The following DHRS4L2 variants were observed in gnomAD, a reference collection of about 807,000 sequenced individuals.
DHRS4L2 encodes the protein dehydrogenase/reductase 4 like 2.
A neutral mutation model predicts 23.9 loss-of-function variants in DHRS4L2; 22 were observed. The observed-to-expected ratio is 0.92, with a 90% CI of 0.66 to 1.31. The LOEUF is 1.31. DHRS4L2 is among the 40% of genes most tolerant of loss of function. The probability of loss-of-function intolerance (pLI) is 0.00; values close to 1 mark genes in which losing one functional copy is unlikely to be tolerated. For missense variants in DHRS4L2, 385 were observed against 303.3 expected, an observed-to-expected ratio of 1.27 and a Z score of -2.00; for synonymous variants, 141 against 123.7, an observed-to-expected ratio of 1.14 and a Z score of -0.93.
intron 1 of DHRS4L2, among the ~76,000 whole-genome samples, chr14:23,973,566 C>A (rs2033908124): frequency 6.6e-6 from 1 of 151,768 alleles, no homozygotes; most frequent in African/African-American, 2.4e-5. Flanking sequence ...ATCTACAAAA[C>A]AAATGGAAAG....
chr14:23,995,232 G>C, intron 3 of DHRS4L2, 99 bp downstream of exon 3: 1 of 1,411,114 alleles, frequency 7.1e-7, no homozygotes, highest in Non-Finnish European at 1.0e-6. Context: ...CAGTGTAAAT[G>C]TGAGGACTCT....
chr14:23,991,398 G>A (rs1450439885), intron 2 of DHRS4L2, among the ~76,000 whole-genome samples: 3 of 151,686 alleles, frequency 2.0e-5, no homozygotes, highest in Non-Finnish European at 4.4e-5. Context: ...GAGCCGTTTG[G>A]GAGTCTGGAT....
chr14:23,992,263 C>T lies in DHRS4L2; in HGVS notation c.306+1904C>T, dbSNP rs922141335. On this transcript the variant is annotated intron_variant, in intron 2 of 7. Coordinates refer to ENST00000335125, the MANE Select transcript of DHRS4L2 (RefSeq NM_198083.4). ...CTGTCGTCCAGGTTTAGAGCAGTGG[C>T]GGCGGGACTGGAATAGATGTGCCCA... 4.6e-5 allele frequency among the ~76,000 whole-genome samples: 7 copies of T among 151,300 alleles called. 1 individual carries two copies. Among genetic ancestry groups the T allele is most frequent in the Non-Finnish European group, 1.0e-4 (7 of 67,840 alleles).
intron 1 of DHRS4L2, among the ~76,000 whole-genome samples, chr14:23,971,738 T>A (rs1051024399): frequency 1.6e-4 from 25 of 152,082 alleles, no homozygotes; most frequent in Non-Finnish European, 3.2e-4. Flanking sequence ...AAGCTTCGTA[T>A]GTGAATGAGA....
Position 23,992,519 on chromosome 14 carries a change from C to G in DHRS4L2, c.306+2160C>G, listed in dbSNP as rs867880658. ...TACTACCCAGTGGCCTCCTCATCTGCACACCACGAAGCTTCTCACTGGTGT... is the reference window on the plus strand; with the variant it reads ...TACTACCCAGTGGCCTCCTCATCTGGACACCACGAAGCTTCTCACTGGTGT... On this transcript the variant is annotated intron_variant, in intron 2 of 7. Transcript: ENST00000335125. Among the ~76,000 whole-genome samples the G allele has an allele frequency of 3.6e-4, 54 of 151,160 alleles. 2 individuals are homozygous for G. In the Middle Eastern group the frequency reaches 0.01, roughly 29 times the overall value.
At position 24,000,944 on chromosome 14, in the gene DHRS4L2, T is replaced by G; in HGVS notation, c.479+11T>G. 6.2e-7 allele frequency: 1 copy of G among 1,610,524 alleles called. No homozygotes were observed. The highest frequency in any genetic ancestry group is 1.7e-5 in the Admixed American group (1 of 59,896). ...AATGGAGAAACGAGGGTACAGAGAGTGAGAGAGAGCCTGGGTGAGAGGGGA... is the reference window on the plus strand; with the variant it reads ...AATGGAGAAACGAGGGTACAGAGAGGGAGAGAGAGCCTGGGTGAGAGGGGA... On this transcript the variant is annotated intron_variant, in intron 4 of 7. Coordinates refer to ENST00000335125, the MANE Select transcript of DHRS4L2 (RefSeq NM_198083.4).
Position 23,990,298 on chromosome 14 carries a change from G to C in DHRS4L2, c.245G>C (p.Ser82Thr). ...AVATLQGEGL[S>T]VTGTVCHVGK... Reference sequence around the variant, plus strand: ...GCCACGCTGCAGGGGGAGGGGCTGAGCGTGACGGGCACTGTGTGCCATGTG... The same window carrying C: ...GCCACGCTGCAGGGGGAGGGGCTGACCGTGACGGGCACTGTGTGCCATGTG... The change falls in exon 2 of 8, where the codon AGC becomes ACC. Residue 82 changes from serine to threonine, a missense_variant. By Grantham distance (58) the Ser-to-Thr change is moderately conservative (BLOSUM62 1). Coordinates refer to ENST00000335125, the MANE Select transcript of DHRS4L2 (RefSeq NM_198083.4). 1 of 1,612,324 alleles carries C rather than the reference G, an allele frequency of 6.2e-7. No individual in the cohort carries two copies. The highest frequency in any genetic ancestry group is 8.5e-7 in the Non-Finnish European group (1 of 1,179,118).
chr14:23,997,003 T>C (rs1287064565), intron 3 of DHRS4L2, among the ~76,000 whole-genome samples: 1 of 150,790 alleles, frequency 6.6e-6, no homozygotes, highest in Non-Finnish European at 1.5e-5. Flanking sequence ...CATATGAAAG[T>C]CAGTTTTAAA....
At chr14:23,969,949 G>A (rs560012793) in exon 1 of DHRS4L2, 3 of 452,910 alleles carry the variant, frequency 6.6e-6, no homozygotes, top group South Asian at 4.7e-5. Context: ...GGGCGCTCAC[G>A]CAACCGCCAC....
In DHRS4L2 at chr14:23,995,050, G is replaced by A; in HGVS notation, c.325G>A (p.Gly109Ser). Reference sequence around the variant, plus strand: ...TCTCTAGGCTGTGAAGCTTCATGGAGGTATCGATATCCTAGTCTCCAATGC... The same window carrying A: ...TCTCTAGGCTGTGAAGCTTCATGGAAGTATCGATATCCTAGTCTCCAATGC... ...LVAMAVKLHG[G>S]IDILVSNAAV... Residue 109 changes from glycine to serine, a missense_variant, in exon 3 of 8, where the codon GGT (glycine) becomes AGT (serine). Physicochemically the swap from Gly to Ser is moderately conservative, Grantham distance 56. Coordinates refer to ENST00000335125, the MANE Select transcript of DHRS4L2 (RefSeq NM_198083.4). The A allele has an allele frequency of 6.2e-7, 1 of 1,612,948 alleles. No homozygotes were observed. The highest frequency in any genetic ancestry group is 1.3e-5 in the African/African-American group (1 of 74,982).
In DHRS4L2 at chr14:23,990,197, C is replaced by A. The variant is rs769548882; in HGVS notation, c.144C>A (p.Ile48=). The part of the protein sequence containing the change: ...TASTDGIGFA[I]ARRLAQDRAH... ...CTGCTCACAGGATCGGCTTCGCCAT[C>A]GCCCGGCGTTTGGCCCAGGACAGGG... The change falls in exon 2 of 8, where the codon ATC becomes ATA. Residue 48 remains isoleucine, a synonymous_variant. Coordinates refer to ENST00000335125, the MANE Select transcript of DHRS4L2 (RefSeq NM_198083.4). 6.2e-7 allele frequency: 1 copy of A among 1,612,802 alleles called. No homozygotes were observed. The highest frequency in any genetic ancestry group is 8.5e-7 in the Non-Finnish European group (1 of 1,179,348).
At chr14:23,981,127 A>G (rs1396326751) in intron 1 of DHRS4L2, among the ~76,000 whole-genome samples, 1 of 151,870 alleles carries the variant, frequency 6.6e-6, no homozygotes, top group Non-Finnish European at 1.5e-5. Flanking sequence ...TACAAAATCA[A>G]TGTGCAAAAA....
upstream of DHRS4L2, among the ~76,000 whole-genome samples, chr14:23,986,517 AAAAG>A (rs902984553): frequency 1.3e-3 from 192 of 150,286 alleles, 2 homozygotes; most frequent in South Asian, 3.6e-3. Context: ...TAAAAAAAAA[AAAAG>A]AAAGAAAGAA....
At chr14:23,970,300 G>T in exon 1 of DHRS4L2, 1 of 445,944 alleles carries the variant, frequency 2.2e-6, no homozygotes, top group South Asian at 1.6e-5. Flanking sequence ...CGCTGTCCCT[G>T]GAGCATCCTC....
chr14:23,979,243 C>A (rs928293568), intron 1 of DHRS4L2, among the ~76,000 whole-genome samples: 1 of 147,820 alleles, frequency 6.8e-6, no homozygotes, highest in Non-Finnish European at 1.5e-5. Context: ...GAAGAGCTAA[C>A]TATCCTAAAT....
rs2034205711 is a variant in DHRS4L2, at chr14:23,988,945, T to C, written c.-3T>C. On this transcript the variant is annotated 5_prime_UTR_variant, in exon 1 of 8. Coordinates refer to ENST00000335125, the MANE Select transcript of DHRS4L2 (RefSeq NM_198083.4). Reference sequence around the variant, plus strand: ...GTGGAACCCAGACTTGCTGGTCTGATCCATGCAGATGGCCAGGCTGCTAGG... The same window carrying C: ...GTGGAACCCAGACTTGCTGGTCTGACCCATGCAGATGGCCAGGCTGCTAGG... The C allele has an allele frequency of 6.2e-7, 1 of 1,611,812 alleles. No homozygotes were observed. The highest frequency in any genetic ancestry group is 8.5e-7 in the Non-Finnish European group (1 of 1,179,044).
At chr14:23,990,679 CCCT>C (rs2034251509) in intron 2 of DHRS4L2, 1 of 1,110,758 alleles carries the variant, frequency 9.0e-7, no homozygotes. Flanking sequence ...ATAAACATTC[CCCT>C]CTTCTTCAGC....
upstream of DHRS4L2, among the ~76,000 whole-genome samples, chr14:23,984,429 C>T (rs1377093379): frequency 6.6e-6 from 1 of 151,560 alleles, no homozygotes; most frequent in Non-Finnish European, 1.5e-5. Flanking sequence ...ACAATGTCAT[C>T]AAAATGAAGT....
chr14:23,992,353 A>C (rs1004904314), intron 2 of DHRS4L2, among the ~76,000 whole-genome samples: 1 of 151,626 alleles, frequency 6.6e-6, no homozygotes, highest in Non-Finnish European at 1.5e-5. Context: ...GAAATAGAGA[A>C]GTCAAAAATG....
Sources: allele counts gnomAD v4.1 joint callset (sites outside exome capture counted in the v4.1 genomes callset), GRCh38; gene constraint gnomAD v4.1.1; transcripts MANE v1.5; gene names NCBI Gene and HGNC (gene_info 2026-07-23, HGNC 2026-07-21).